The following DHX15 variants were observed in gnomAD, a reference collection of about 807,000 sequenced individuals.
The protein encoded by DHX15 is ATP-dependent RNA helicase DHX15.
DHX15 carries 11 observed loss-of-function variants against 94.4 expected under a neutral mutation model. The observed-to-expected ratio is 0.12, with a 90% CI of 0.07 to 0.19. The LOEUF is 0.19. Among genes scored for constraint, DHX15 ranks in the 10% least tolerant of loss-of-function variants. DHX15 has a pLI of 1.00. For missense variants in DHX15, 304 were observed against 988.5 expected (o/e 0.31, Z 9.29); for synonymous variants, 338 against 329.9 (o/e 1.02, Z -0.27).
Position 24,537,005 on chromosome 4 carries a change from C to A in DHX15, c.1909+46G>T. 1 of 1,590,614 alleles carries A rather than the reference C, an allele frequency of 6.3e-7. No individual in the cohort carries two copies. The highest frequency in any genetic ancestry group is 8.6e-7 in the Non-Finnish European group (1 of 1,167,440). On this transcript the variant is annotated intron_variant, in intron 11 of 13. Coordinates refer to ENST00000336812, the MANE Select transcript of DHX15 (RefSeq NM_001358.3). This position sits in a 1 kb window ranked among gnomAD's most constrained non-coding sequence, Gnocchi z 4.7. The stretch of plus-strand genomic sequence containing the variant: ...GGACAAAGAAACATCTTATACACTG[C>A]AAGTGACATTTAGACAAGAGTGTCT...
chr4:24,560,503 A>C (rs1721850950), intron 3 of DHX15, among the ~76,000 whole-genome samples: 1 of 152,196 alleles, frequency 6.6e-6, no homozygotes, highest in African/African-American at 2.4e-5. Flanking sequence ...TCAAGTCTCT[A>C]TGTAGCATGA....
intron 13 of DHX15, 122 bp downstream of exon 13, chr4:24,529,479 T>C: frequency 2.5e-6 from 2 of 799,448 alleles, no homozygotes; most frequent in South Asian, 1.7e-5. Flanking sequence ...AATTCCCTCA[T>C]ACCTACACAC....
intron 3 of DHX15, among the ~76,000 whole-genome samples, chr4:24,567,725 T>C (rs1722025505): frequency 6.6e-6 from 1 of 152,108 alleles, no homozygotes; most frequent in African/African-American, 2.4e-5. Flanking sequence ...TACAGCAATA[T>C]ATTGTTCCCT....
Position 24,527,821 on chromosome 4 carries a change from T to TA in DHX15, c.*102dup. 1.4e-6 allele frequency: 1 copy of TA among 695,284 alleles called. No homozygotes were observed. The highest frequency in any genetic ancestry group is 2.5e-6 in the Non-Finnish European group (1 of 403,308). The allele number at this position is 695,284 out of a possible 1,614,324, so 43.1% of individuals were successfully genotyped here. A position where few individuals can be genotyped will look rare whatever the true frequency, so the allele number is the denominator to read the frequency against. On this transcript the variant is annotated 3_prime_UTR_variant, in exon 14 of 14. Coordinates refer to ENST00000336812, the MANE Select transcript of DHX15 (RefSeq NM_001358.3). ...AAAGAAAAATTAAAAAGCTTTCAAA[T>TA]AAAGGCCATTATCGAACCAACGTGA... is the stretch of plus-strand genomic sequence containing the variant.
In DHX15 at chr4:24,527,952, A is replaced by G; in HGVS notation, c.2360T>C (p.Leu787Pro). The G allele has an allele frequency of 6.2e-7, 1 of 1,613,614 alleles. No homozygotes were observed. The highest frequency in any genetic ancestry group is 2.2e-5 in the East Asian group (1 of 44,852). ...GTACTGTGAATATTCCTTGGATTGA[A>G]GTTTGGCAATGATGCGGTCCAACTG... ...KRQLDRIIAK[L>P]QSKEYSQY Residue 787 changes from leucine (L) to proline (P), a missense_variant, in exon 14 of 14, where the codon CTT (leucine) becomes CCT (proline). This residue lies in a region of DHX15 where 14 missense variants were observed against 17.3 expected (regional missense o/e 0.81). Transcript: ENST00000336812.
intron 2 of DHX15, among the ~76,000 whole-genome samples, chr4:24,576,026 G>C (rs1722260408): frequency 6.6e-6 from 1 of 152,112 alleles, no homozygotes; most frequent in African/African-American, 2.4e-5. Context: ...AACAAAATTT[G>C]AAAAGCGAGC....
chr4:24,582,006 T>A (rs1378963813), intron 1 of DHX15, among the ~76,000 whole-genome samples: 1 of 152,140 alleles, frequency 6.6e-6, no homozygotes, highest in African/African-American at 2.4e-5. Context: ...AGAAACCCTA[T>A]CTGGCAGTGG....
intron 10 of DHX15, 191 bp downstream of exon 10, chr4:24,539,914 CAAT>C: frequency 2.5e-6 from 1 of 402,894 alleles, no homozygotes; most frequent in Non-Finnish European, 4.4e-6. Flanking sequence ...CTTTTGTGCA[CAAT>C]GACTTACTTT....
chr4:24,539,198 A>G (rs954192172), intron 10 of DHX15: 1 of 152,166 alleles, frequency 6.6e-6, no homozygotes, highest in Non-Finnish European at 1.5e-5. Context: ...TTTACATTTA[A>G]ATTTTTTTCA....
In DHX15 at chr4:24,527,734, T is replaced by C. The variant is rs1001837767; in HGVS notation, c.*190A>G. 1.9e-6 allele frequency: 1 copy of C among 530,446 alleles called. No individual in the cohort carries two copies. The highest frequency in any genetic ancestry group is 2.9e-5 in the East Asian group (1 of 34,706). 32.9% of individuals were successfully genotyped at this position (530,446 alleles called of 1,614,324 possible). On this transcript the variant is annotated 3_prime_UTR_variant, in exon 14 of 14. Transcript: ENST00000336812. ...TCGACTTTTCCAGTATGAGCTACAG[T>C]GTCAACACAAAAGGGAGGCATAAAT...
At chr4:24,578,766 T>C (rs933177705) in intron 1 of DHX15, among the ~76,000 whole-genome samples, 1 of 152,128 alleles carries the variant, frequency 6.6e-6, no homozygotes, top group Non-Finnish European at 1.5e-5. Context: ...GGTCTCACCA[T>C]GTTGCCCAGG....
intron 6 of DHX15, among the ~76,000 whole-genome samples, chr4:24,543,447 C>T (rs1455220410): frequency 2.0e-5 from 3 of 152,050 alleles, no homozygotes; most frequent in South Asian, 2.1e-4. Flanking sequence ...ATGAAAACTT[C>T]GTTATTTATA....
chr4:24,545,522 A>G (rs1168026447), intron 6 of DHX15, among the ~76,000 whole-genome samples: 1 of 150,060 alleles, frequency 6.7e-6, no homozygotes, highest in Non-Finnish European at 1.5e-5. Flanking sequence ...TGCCAGCCAA[A>G]AGTCAAACCC....
At chr4:24,549,135 A>T (rs1190963029) in intron 5 of DHX15, 113 bp from the exon 6 acceptor site, 1 of 826,654 alleles carries the variant, frequency 1.2e-6, no homozygotes, top group Non-Finnish European at 1.7e-6. Context: ...CACTTCATGG[A>T]TACCCTGTTT....
At chr4:24,551,788 T>C (rs973075035) in intron 5 of DHX15, among the ~76,000 whole-genome samples, 1 of 152,206 alleles carries the variant, frequency 6.6e-6, no homozygotes, top group African/African-American at 2.4e-5. Flanking sequence ...TTAATTTTAC[T>C]GTACATAAAT....
In DHX15 at chr4:24,533,072, G is replaced by A. The variant is rs566724389; in HGVS notation, c.1910-18C>T. 1.6e-5 allele frequency: 26 copies of A among 1,609,048 alleles called. 1 individual carries two copies. The highest frequency in any genetic ancestry group is 1.7e-4 in the Middle Eastern group (1 of 6,054). ...TTCATGATCTAAAAAGGTAGAAGGC[G>A]GGGAGAAAAGAAGGCACCATGAATC... On this transcript the variant is annotated intron_variant, in intron 11 of 13. Transcript: ENST00000336812.
intron 6 of DHX15, among the ~76,000 whole-genome samples, chr4:24,548,637 C>G (rs1195836962): frequency 6.6e-6 from 1 of 152,200 alleles, no homozygotes; most frequent in Non-Finnish European, 1.5e-5. Flanking sequence ...CCCATCCTAA[C>G]TAATCTTCCA....
In DHX15 at chr4:24,557,804, G is replaced by C. The variant is rs183065448; in HGVS notation, c.702-1394C>G. On this transcript the variant is annotated intron_variant, in intron 3 of 13. Coordinates refer to ENST00000336812, the MANE Select transcript of DHX15 (RefSeq NM_001358.3). ...CAACACTATAGCCCTTAGCTGCTTT[G>C]AAATTTCTTTGATCTGAGGACGTTT... Among the ~76,000 whole-genome samples, 162 of 152,148 alleles carry C rather than the reference G, an allele frequency of 1.1e-3. 1 individual carries two copies. Among genetic ancestry groups the C allele is most frequent in the Middle Eastern group, 3.4e-3 (1 of 294 alleles).
chr4:24,577,803 A>G (rs973171392), intron 1 of DHX15, among the ~76,000 whole-genome samples: 3 of 152,156 alleles, frequency 2.0e-5, no homozygotes, highest in African/African-American at 7.2e-5. Context: ...AAAATAATCT[A>G]TGCTTGTTCA....
Sources: allele counts gnomAD v4.1 joint callset (sites outside exome capture counted in the v4.1 genomes callset), GRCh38; gene constraint gnomAD v4.1.1; regional missense constraint gnomAD v4.1.1; non-coding constraint Gnocchi (gnomAD v3.1); transcripts MANE v1.5; gene names NCBI Gene and HGNC (gene_info 2026-07-23, HGNC 2026-07-21).